GRK5: variants seen among roughly 807,000 people sequenced by gnomAD.
The protein encoded by GRK5 is G protein-coupled receptor kinase 5.
GRK5 carries 40 observed loss-of-function variants against 78.4 expected under a neutral mutation model. The observed-to-expected ratio is 0.51, with a 90% CI of 0.40 to 0.66. The LOEUF is 0.66. Ranked by LOEUF, GRK5 falls within the 30% of genes least tolerant of loss-of-function variation. The pLI is 0.00. For missense variants in GRK5, 598 were observed against 759.9 expected, an observed-to-expected ratio of 0.79 and a Z score of 2.50; for synonymous variants, 289 against 296.8, an observed-to-expected ratio of 0.97 and a Z score of 0.27.
intron 9 of GRK5, among the ~76,000 whole-genome samples, chr10:119,438,577 C>T (rs967700941): frequency 6.6e-6 from 1 of 151,424 alleles, no homozygotes; most frequent in Admixed American, 6.6e-5. Flanking sequence ...GAATTCTCTA[C>T]GTGATTGCCT....
intron 1 of GRK5, among the ~76,000 whole-genome samples, chr10:119,321,278 G>C (rs147767945): frequency 6.6e-6 from 1 of 152,196 alleles, no homozygotes; most frequent in Non-Finnish European, 1.5e-5. Flanking sequence ...GAACATCCTC[G>C]TATTAGCTTC....
At chr10:119,448,302 G>A in intron 13 of GRK5, 42 bp downstream of exon 13, 1 of 1,565,850 alleles carries the variant, frequency 6.4e-7, no homozygotes, top group Non-Finnish European at 8.6e-7. Context: ...CCTTCACAGG[G>A]TACCCAGGGC....
chr10:119,383,709 G>T (rs1851749525), intron 3 of GRK5, among the ~76,000 whole-genome samples: 1 of 152,182 alleles, frequency 6.6e-6, no homozygotes. Context: ...GCTAGTGGGG[G>T]CCTCTCCAGG....
chr10:119,291,293 T>A (rs1443238677), intron 1 of GRK5, among the ~76,000 whole-genome samples: 1 of 152,114 alleles, frequency 6.6e-6, no homozygotes, highest in Non-Finnish European at 1.5e-5. Flanking sequence ...GGAGATGCAG[T>A]GAAGCTACAC....
At chr10:119,417,731 A>G (rs891094051) in intron 4 of GRK5, among the ~76,000 whole-genome samples, 1 of 152,196 alleles carries the variant, frequency 6.6e-6, no homozygotes, top group African/African-American at 2.4e-5. Context: ...GCAGCAGAGG[A>G]TGCATGAGAT....
At chr10:119,425,124 G>A (rs752597122) in intron 6 of GRK5, 39 bp downstream of exon 6, 29 of 1,391,568 alleles carry the variant, frequency 2.1e-5, no homozygotes, top group East Asian at 1.4e-4. Context: ...GGGAGGCAGA[G>A]GGTACACATT....
chr10:119,328,097 G>A (rs1450704979), intron 2 of GRK5, among the ~76,000 whole-genome samples: 1 of 152,250 alleles, frequency 6.6e-6, no homozygotes, highest in African/African-American at 2.4e-5. Context: ...AAAGGGCTTA[G>A]CTGGTGCCCT....
At chr10:119,298,278 A>T (rs964444623) in intron 1 of GRK5, among the ~76,000 whole-genome samples, 4 of 152,174 alleles carry the variant, frequency 2.6e-5, no homozygotes, top group African/African-American at 9.7e-5. Context: ...AATAAGGCAG[A>T]TGTGTTCCTA....
intron 1 of GRK5, among the ~76,000 whole-genome samples, chr10:119,247,298 A>G (rs1226965330): frequency 6.6e-6 from 1 of 152,254 alleles, no homozygotes; most frequent in Non-Finnish European, 1.5e-5. Flanking sequence ...GACTGTGAGA[A>G]GCATCCAGAA....
At chr10:119,446,458 C>T (rs940764707) in intron 12 of GRK5, among the ~76,000 whole-genome samples, 1 of 44,198 alleles carries the variant, frequency 2.3e-5, no homozygotes, top group Non-Finnish European at 4.2e-5. Context: ...CCCGGCCCGG[C>T]CCACCCAGCC....
intron 2 of GRK5, among the ~76,000 whole-genome samples, chr10:119,349,730 A>G (rs1323919536): frequency 6.6e-6 from 1 of 152,176 alleles, no homozygotes; most frequent in Non-Finnish European, 1.5e-5. Context: ...CTAAGTCTGA[A>G]TGGTGAAAGC....
At chr10:119,272,917 T>C (rs887989522) in intron 1 of GRK5, among the ~76,000 whole-genome samples, 10 of 152,200 alleles carry the variant, frequency 6.6e-5, no homozygotes, top group Admixed American at 1.3e-4. Flanking sequence ...GGCTGAGGGT[T>C]GATTCTGGCT....
At position 119,292,320 on chromosome 10, in the gene GRK5, T is replaced by G. The variant is rs1252397942; in HGVS notation, c.53-34196T>G. 9.3e-5 allele frequency among the ~76,000 whole-genome samples: 14 copies of G among 150,408 alleles called. No individual in the cohort carries two copies. In the East Asian group the frequency reaches 2.8e-3, roughly 30 times the overall value. On this transcript the variant is annotated intron_variant, in intron 1 of 15. Transcript: ENST00000392870. The stretch of plus-strand genomic sequence containing the variant: ...CCTCCTCTTCCTCCTTCTCCTCCTA[T>G]TCCTCCTTCTCCTCCTCATCCTCCT...
chr10:119,273,117 G>A (rs553177853), intron 1 of GRK5, among the ~76,000 whole-genome samples: 67 of 152,294 alleles, frequency 4.4e-4, no homozygotes, highest in African/African-American at 1.5e-3. Context: ...CCAGACCGGC[G>A]ATGGCTTAAG....
At chr10:119,252,445 G>A (rs77107636) in intron 1 of GRK5, among the ~76,000 whole-genome samples, 3,220 of 152,244 alleles carry the variant, frequency 0.021, 59 homozygotes, top group Admixed American at 0.054. Context: ...TCTCTGGGCC[G>A]TGTGGATGGG....
At chr10:119,349,031 C>T (rs1360144372) in intron 2 of GRK5, among the ~76,000 whole-genome samples, 2 of 152,154 alleles carry the variant, frequency 1.3e-5, no homozygotes, top group South Asian at 2.1e-4. Context: ...CGTCACCCTC[C>T]GCCCTCCTCC....
At chr10:119,291,992 T>TCCTATTCCTCCTTCCC (rs1849978853) in intron 1 of GRK5, among the ~76,000 whole-genome samples, 1 of 12,966 alleles carries the variant, frequency 7.7e-5, no homozygotes, top group African/African-American at 3.0e-4. Context: ...TCCTCCTTCT[T>TCCTATTCCTCCTTCCC]CTCCTCCTCT....
chr10:119,262,497 C>T (rs1227895014), intron 1 of GRK5, among the ~76,000 whole-genome samples: 1 of 151,908 alleles, frequency 6.6e-6, no homozygotes, highest in Non-Finnish European at 1.5e-5. Context: ...CGCCACCACA[C>T]CCAGCTAATT....
intron 1 of GRK5, among the ~76,000 whole-genome samples, chr10:119,275,834 G>A (rs1849661590): frequency 6.6e-6 from 1 of 152,146 alleles, no homozygotes; most frequent in African/African-American, 2.4e-5. Flanking sequence ...TGAGTGTTAT[G>A]CGCTTAGTGT....
Sources: allele counts gnomAD v4.1 joint callset (sites outside exome capture counted in the v4.1 genomes callset), GRCh38; gene constraint gnomAD v4.1.1; transcripts MANE v1.5; gene names NCBI Gene and HGNC (gene_info 2026-07-23, HGNC 2026-07-21).